CAMK2D: variants seen among roughly 807,000 people sequenced by gnomAD.
CAMK2D encodes the protein calcium/calmodulin-dependent protein kinase type II subunit delta.
Under a neutral mutation model 84.0 loss-of-function variants are expected in CAMK2D, and 37 were observed. That is an observed-to-expected ratio of 0.44 (90% CI 0.34 to 0.58). The LOEUF is 0.58. CAMK2D is among the 20% of genes least tolerant of loss of function. CAMK2D has a pLI of 0.02. For synonymous variants in CAMK2D, 202 were observed against 212.5 expected (o/e 0.95, Z 0.43); for missense variants, 448 against 652.5 (o/e 0.69, Z 3.41).
At chr4:113,459,916 T>C (rs948474155) in intron 18 of CAMK2D, among the ~76,000 whole-genome samples, 3 of 152,162 alleles carry the variant, frequency 2.0e-5, no homozygotes, top group Non-Finnish European at 2.9e-5. Context: ...TGAGCCACAG[T>C]GCCCAGTCAA....
chr4:113,670,259 C>A (rs2099274847), intron 2 of CAMK2D, among the ~76,000 whole-genome samples: 1 of 151,872 alleles, frequency 6.6e-6, no homozygotes, highest in Admixed American at 6.6e-5. Context: ...TCCAGCCTGG[C>A]TGACAGAGCA....
At chr4:113,647,339 G>C (rs2099156032) in intron 3 of CAMK2D, among the ~76,000 whole-genome samples, 1 of 152,334 alleles carries the variant, frequency 6.6e-6, no homozygotes, top group African/African-American at 2.4e-5. Flanking sequence ...TTCAAAAGCA[G>C]TTTATTTTCT....
chr4:113,648,048 T>G (rs558481314), intron 3 of CAMK2D, among the ~76,000 whole-genome samples: 139 of 152,338 alleles, frequency 9.1e-4, no homozygotes, highest in African/African-American at 3.2e-3. Flanking sequence ...TAACTCATTA[T>G]AGCTTTAACA....
chr4:113,698,739 G>A (rs1396597660), intron 2 of CAMK2D, among the ~76,000 whole-genome samples: 1 of 152,020 alleles, frequency 6.6e-6, no homozygotes, highest in Non-Finnish European at 1.5e-5. Flanking sequence ...ATAGGTATAT[G>A]ACATGTTGGA....
In CAMK2D at chr4:113,509,675, G is replaced by A; in HGVS notation, c.947C>T (p.Ala316Val). The change falls in exon 13 of 21, where the codon GCA becomes GTA. Residue 316 changes from alanine (A) to valine (V), a missense_variant and splice_region_variant. Coordinates refer to ENST00000511664, the MANE Select transcript of CAMK2D (RefSeq NM_001321571.2). ...TTMLATRNFS[A>V]AKSLLKKPDG... ...TGGTTTCTTCAACAAACTCTTGGCT[G>A]CTGTAAAATGAGAGTAAAATCAGTT... 6.2e-7 allele frequency: 1 copy of A among 1,606,144 alleles called. No individual in the cohort carries two copies. Among genetic ancestry groups the A allele is most frequent in the Admixed American group, 1.7e-5 (1 of 59,984 alleles).
intron 4 of CAMK2D, among the ~76,000 whole-genome samples, chr4:113,607,320 C>T (rs891624332): frequency 4.6e-5 from 7 of 152,158 alleles, no homozygotes; most frequent in Non-Finnish European, 1.0e-4. Flanking sequence ...GGAGAGGAGC[C>T]TGTGCAGTAG....
chr4:113,591,046 C>T (rs1250895941), intron 4 of CAMK2D, among the ~76,000 whole-genome samples: 1 of 152,106 alleles, frequency 6.6e-6, no homozygotes, highest in African/African-American at 2.4e-5. Flanking sequence ...TGTTTACATC[C>T]TTGCTTTAGT....
intron 3 of CAMK2D, among the ~76,000 whole-genome samples, chr4:113,640,193 C>T (rs2099126799): frequency 6.6e-6 from 1 of 151,806 alleles, no homozygotes; most frequent in Non-Finnish European, 1.5e-5. Context: ...GTATGATTAC[C>T]AAAGTACCAG....
chr4:113,490,305 G>A (rs1299508981), intron 16 of CAMK2D, among the ~76,000 whole-genome samples: 5 of 148,802 alleles, frequency 3.4e-5, no homozygotes, highest in African/African-American at 1.3e-4. Flanking sequence ...AATCCATCTT[G>A]AATTGATTTT....
intron 3 of CAMK2D, among the ~76,000 whole-genome samples, chr4:113,620,000 C>T (rs1395696425): frequency 2.0e-5 from 3 of 152,070 alleles, no homozygotes; most frequent in South Asian, 2.1e-4. Context: ...CGTAGTAAGT[C>T]AGTTACTATA....
chr4:113,457,248 A>G (rs2097314099), intron 19 of CAMK2D, 87 bp downstream of exon 19: 1 of 1,542,496 alleles, frequency 6.5e-7, no homozygotes. Flanking sequence ...GTTAAATAAC[A>G]TATACCATGC....
intron 1 of CAMK2D, among the ~76,000 whole-genome samples, chr4:113,760,154 T>C (rs1215637693): frequency 6.6e-6 from 1 of 151,878 alleles, no homozygotes; most frequent in Non-Finnish European, 1.5e-5. Context: ...AAAATCAGCA[T>C]TCACGGCTTG....
chr4:113,453,673 CACT>C lies in CAMK2D; in HGVS notation c.*869_*871del, dbSNP rs1195804873. The C allele has an allele frequency of 6.6e-6, 1 of 152,036 alleles. No individual in the cohort carries two copies. The highest frequency in any genetic ancestry group is 2.4e-5 in the African/African-American group (1 of 41,354). The allele number at this position is 152,036 out of a possible 1,614,324, so 9.4% of individuals were successfully genotyped here. A position where few individuals can be genotyped will look rare whatever the true frequency, so the allele number is the denominator to read the frequency against. On this transcript the variant is annotated 3_prime_UTR_variant, in exon 21 of 21. Transcript: ENST00000511664. ...ATTTCACTTCTATTCTTTTCTCACACACTACTAGCCAGCCTCCCCAAAAAAGGA... is the reference window on the plus strand; with the variant it reads ...ATTTCACTTCTATTCTTTTCTCACACACTAGCCAGCCTCCCCAAAAAAGGA...
chr4:113,568,395 A>T (rs1012375278), intron 4 of CAMK2D, among the ~76,000 whole-genome samples: 17 of 152,190 alleles, frequency 1.1e-4, no homozygotes, highest in African/African-American at 3.6e-4. Context: ...ATGTTGTGGC[A>T]TGTGTCAGAA....
At chr4:113,717,513 T>C (rs1474331590) in intron 2 of CAMK2D, among the ~76,000 whole-genome samples, 1 of 152,120 alleles carries the variant, frequency 6.6e-6, no homozygotes, top group Non-Finnish European at 1.5e-5. Context: ...AATATATAAC[T>C]CAACTGTACT....
intron 13 of CAMK2D, among the ~76,000 whole-genome samples, chr4:113,509,391 C>T (rs1250970563): frequency 6.6e-6 from 1 of 152,148 alleles, no homozygotes; most frequent in Non-Finnish European, 1.5e-5. Flanking sequence ...TATAGGAACT[C>T]TATATTGTAT....
At chr4:113,533,478 T>A (rs971523871) in intron 7 of CAMK2D, among the ~76,000 whole-genome samples, 4 of 152,086 alleles carry the variant, frequency 2.6e-5, no homozygotes, top group African/African-American at 9.7e-5. Flanking sequence ...CATATGTTTC[T>A]TACTTTGAAA....
At chr4:113,685,081 T>C (rs986909255) in intron 2 of CAMK2D, among the ~76,000 whole-genome samples, 9 of 152,132 alleles carry the variant, frequency 5.9e-5, no homozygotes, top group Non-Finnish European at 1.2e-4. Flanking sequence ...AAACCAATGA[T>C]AGGAGGGAGT....
At chr4:113,594,733 GA>G (rs1479275166) in intron 4 of CAMK2D, among the ~76,000 whole-genome samples, 1 of 152,014 alleles carries the variant, frequency 6.6e-6, no homozygotes, top group Non-Finnish European at 1.5e-5. Flanking sequence ...TAAAACTGAA[GA>G]GCAAAGGAAG....
Sources: gnomAD v4.1 joint callset for allele counts (sites outside exome capture counted in the v4.1 genomes callset) on GRCh38, gnomAD v4.1.1 for gene constraint, MANE v1.5 for transcripts, NCBI Gene and HGNC (gene_info 2026-07-23, HGNC 2026-07-21) for gene names.